LPP: variants seen among roughly 807,000 people sequenced by gnomAD.
LPP encodes the protein lipoma-preferred partner.
A neutral mutation model predicts 60.4 loss-of-function variants in LPP; 38 were observed. The observed-to-expected ratio is 0.63, with a 90% confidence interval of 0.49 to 0.83. The LOEUF is 0.83. Among genes scored for constraint, LPP ranks in the 40% least tolerant of loss-of-function variants. LPP has a pLI of 0.00. For synonymous variants in LPP, 328 were observed against 290.8 expected (o/e 1.13, Z -1.30); for missense variants, 902 against 783.6 (o/e 1.15, Z -1.80).
At chr3:188,173,461 G>GC (rs1273373079) in intron 1 of LPP, among the ~76,000 whole-genome samples, 1 of 151,902 alleles carries the variant, frequency 6.6e-6, no homozygotes, top group Non-Finnish European at 1.5e-5. Context: ...CTGAGATTGT[G>GC]CCATTGTACT....
At position 188,887,069 on chromosome 3, in the gene LPP, T is replaced by C. The variant is rs1770769079; in HGVS notation, c.*12590T>C. 4.3e-6 allele frequency: 1 copy of C among 230,486 alleles called. No homozygotes were observed. Among genetic ancestry groups the C allele is most frequent in the Non-Finnish European group, 8.6e-6 (1 of 116,310 alleles). The allele number at this position is 230,486 out of a possible 1,614,324, so 14.3% of individuals were successfully genotyped here. A position where few individuals can be genotyped will look rare whatever the true frequency, so the allele number is the denominator to read the frequency against. ...ATTGATGTATTGTGTTGCCACTTTG[T>C]ATGGTGCCTGCTGTGCTTTATCCCG... On this transcript the variant is annotated 3_prime_UTR_variant, in exon 12 of 12. Transcript: ENST00000617246.
chr3:188,716,907 T>C (rs1000913818), intron 8 of LPP, among the ~76,000 whole-genome samples: 3 of 152,218 alleles, frequency 2.0e-5, no homozygotes, highest in Non-Finnish European at 4.4e-5. Flanking sequence ...ATCCAACTTC[T>C]AGGTCTACCC....
chr3:188,393,028 ATT>A (rs10719384), intron 3 of LPP, among the ~76,000 whole-genome samples: 5 of 148,748 alleles, frequency 3.4e-5, no homozygotes, highest in South Asian at 2.1e-4. Context: ...TTTTAGACAC[ATT>A]TTTTTTTTTC....
At chr3:188,212,502 T>G (rs1481693081) in intron 1 of LPP, 1 of 152,134 alleles carries the variant, frequency 6.6e-6, no homozygotes, top group Non-Finnish European at 1.5e-5. Context: ...GAAGGGTGAT[T>G]TTTCTGACAT....
At chr3:188,454,633 C>T (rs1260640826) in intron 4 of LPP, among the ~76,000 whole-genome samples, 2 of 152,100 alleles carry the variant, frequency 1.3e-5, no homozygotes, top group Non-Finnish European at 2.9e-5. Flanking sequence ...ATTGGACTTA[C>T]AATTCCACAT....
chr3:188,730,513 C>G (rs966977562), intron 8 of LPP, among the ~76,000 whole-genome samples: 2 of 152,194 alleles, frequency 1.3e-5, no homozygotes, highest in African/African-American at 4.8e-5. Context: ...GGAAAATATT[C>G]TGGGAATCTG....
chr3:188,577,729 T>TTTCC (rs201689258), intron 6 of LPP, among the ~76,000 whole-genome samples: 2 of 137,362 alleles, frequency 1.5e-5, no homozygotes, highest in Admixed American at 7.5e-5. Flanking sequence ...CTCTCTTTGG[T>TTTCC]TTCCTTCCTT....
chr3:188,492,788 A>T (rs535208149), intron 5 of LPP, among the ~76,000 whole-genome samples: 4 of 152,238 alleles, frequency 2.6e-5, no homozygotes, highest in Non-Finnish European at 5.9e-5. Flanking sequence ...GGGAAAAATT[A>T]TGATCTGCTT....
chr3:188,575,284 G>A (rs1397591226), intron 6 of LPP, among the ~76,000 whole-genome samples: 1 of 152,058 alleles, frequency 6.6e-6, no homozygotes, highest in Non-Finnish European at 1.5e-5. Flanking sequence ...AACTTATTTT[G>A]ATTTTTTGTT....
chr3:188,677,132 CTT>C (rs997261629), intron 7 of LPP, among the ~76,000 whole-genome samples: 8 of 152,144 alleles, frequency 5.3e-5, no homozygotes, highest in Admixed American at 5.2e-4. Context: ...CCCAGCCTAA[CTT>C]TGCTTGTAGA....
intron 2 of LPP, among the ~76,000 whole-genome samples, chr3:188,318,820 G>C (rs532437560): frequency 7.1e-6 from 1 of 140,790 alleles, no homozygotes; most frequent in African/African-American, 2.7e-5. Flanking sequence ...GTGCAGTGGC[G>C]CGATCTCGGC....
At chr3:188,480,070 C>T (rs1804353594) in intron 4 of LPP, among the ~76,000 whole-genome samples, 1 of 152,170 alleles carries the variant, frequency 6.6e-6, no homozygotes, top group Non-Finnish European at 1.5e-5. Flanking sequence ...CTCAGCTGGT[C>T]CCAGCTAACC....
At chr3:188,322,779 G>T (rs1757316231) in intron 2 of LPP, among the ~76,000 whole-genome samples, 1 of 152,142 alleles carries the variant, frequency 6.6e-6, no homozygotes, top group African/African-American at 2.4e-5. Context: ...TCTCATCTCT[G>T]AGCATTAATT....
intron 9 of LPP, among the ~76,000 whole-genome samples, chr3:188,768,523 A>C (rs932506368): frequency 3.9e-5 from 6 of 152,198 alleles, no homozygotes; most frequent in African/African-American, 1.4e-4. Flanking sequence ...AAAAACTAGT[A>C]ATCTCCATAG....
chr3:188,623,682 A>G (rs1487063101), intron 7 of LPP, among the ~76,000 whole-genome samples: 2 of 152,246 alleles, frequency 1.3e-5, no homozygotes, highest in African/African-American at 4.8e-5. Flanking sequence ...TTGCGAAAGT[A>G]TGTTTTAAAA....
chr3:188,165,915 C>T (rs139110974), intron 1 of LPP, among the ~76,000 whole-genome samples: 90 of 152,260 alleles, frequency 5.9e-4, no homozygotes, highest in Non-Finnish European at 1.1e-3. Flanking sequence ...GTGTCTTAGA[C>T]GGGTGACGGA....
intron 2 of LPP, among the ~76,000 whole-genome samples, chr3:188,297,785 A>G (rs144238337): frequency 8.6e-4 from 131 of 152,358 alleles, no homozygotes; most frequent in African/African-American, 3.0e-3. Flanking sequence ...ATATGTTTCT[A>G]GAGACTGATG....
At chr3:188,844,005 A>G (rs1372251606) in intron 9 of LPP, among the ~76,000 whole-genome samples, 1 of 152,052 alleles carries the variant, frequency 6.6e-6, no homozygotes, top group African/African-American at 2.4e-5. Flanking sequence ...AATTTCCCTA[A>G]AAAGTATTGG....
chr3:188,462,886 C>T (rs1158336965), intron 4 of LPP, among the ~76,000 whole-genome samples: 1 of 151,934 alleles, frequency 6.6e-6, no homozygotes, highest in Non-Finnish European at 1.5e-5. Context: ...GCTGGCAGAT[C>T]ACCTGAGGTC....
Sources: gnomAD v4.1 joint callset for allele counts (sites outside exome capture counted in the v4.1 genomes callset) on GRCh38, gnomAD v4.1.1 for gene constraint, MANE v1.5 for transcripts, NCBI Gene and HGNC (gene_info 2026-07-23, HGNC 2026-07-21) for gene names.